INO80: variants seen among roughly 807,000 people sequenced by gnomAD.
INO80 encodes chromatin-remodeling ATPase INO80.
In INO80, 20 loss-of-function variants were observed where a neutral mutation model predicts 203.4. The ratio of observed to expected loss-of-function variants is 0.10; its 90% CI spans 0.07 to 0.14. The LOEUF is 0.14. Ranked by LOEUF, INO80 falls within the 10% of genes least tolerant of loss-of-function variation. INO80 has a pLI of 1.00. For synonymous variants in INO80, 726 were observed against 685.2 expected (o/e 1.06, Z -0.93); for missense variants, 1,419 against 1,914.4 (o/e 0.74, Z 4.83).
At chr15:41,072,844 A>G (rs984981900) in intron 11 of INO80, among the ~76,000 whole-genome samples, 2 of 151,198 alleles carry the variant, frequency 1.3e-5, no homozygotes, top group Non-Finnish European at 3.0e-5. Flanking sequence ...GCAGTGGCAC[A>G]ATCTCGGCTC....
chr15:41,027,789 CA>C, intron 24 of INO80, 53 bp from the exon 25 acceptor site: 1 of 1,346,734 alleles, frequency 7.4e-7, no homozygotes, highest in South Asian at 1.4e-5. Flanking sequence ...TTAATGTAAG[CA>C]AAATGAAAAA....
chr15:41,096,518 C>T (rs1438959232), intron 1 of INO80, among the ~76,000 whole-genome samples, 165 bp from the exon 2 acceptor site: 1 of 152,084 alleles, frequency 6.6e-6, no homozygotes, highest in African/African-American at 2.4e-5. Context: ...TTAGACACTG[C>T]CTCCTAAAGC....
At chr15:41,097,529 G>A (rs921699002) in intron 1 of INO80, among the ~76,000 whole-genome samples, 3 of 151,956 alleles carry the variant, frequency 2.0e-5, no homozygotes, top group Admixed American at 6.5e-5. Context: ...CGCTCTTGCA[G>A]TAGGGTGATC....
intron 27 of INO80, among the ~76,000 whole-genome samples, chr15:41,012,296 G>C (rs2044142974): frequency 6.6e-6 from 1 of 152,164 alleles, no homozygotes; most frequent in Non-Finnish European, 1.5e-5. Flanking sequence ...GCCAGGCGTG[G>C]TGGCTCACGC....
chr15:41,041,802 G>A (rs552926554), intron 24 of INO80, among the ~76,000 whole-genome samples: 5 of 149,922 alleles, frequency 3.3e-5, no homozygotes, highest in East Asian at 3.9e-4. Flanking sequence ...AATATCTAAC[G>A]ATCATTTTGC....
intron 1 of INO80, among the ~76,000 whole-genome samples, chr15:41,108,015 G>A (rs761416862): frequency 7.9e-5 from 12 of 151,848 alleles, no homozygotes; most frequent in Non-Finnish European, 1.6e-4. Context: ...CAGGAGAATC[G>A]CTTGAACTCG....
chr15:41,072,205 TATC>T, intron 11 of INO80, 147 bp from the exon 12 acceptor site: 1 of 558,496 alleles, frequency 1.8e-6, no homozygotes, highest in Non-Finnish European at 3.1e-6. Context: ...TATAACGTAG[TATC>T]ATATGACATC....
chr15:41,055,144 T>G, intron 18 of INO80, 103 bp downstream of exon 18: 1 of 621,780 alleles, frequency 1.6e-6, no homozygotes, highest in Non-Finnish European at 2.8e-6. Flanking sequence ...CTGATTTGTC[T>G]ATGTATACTG....
intron 28 of INO80, among the ~76,000 whole-genome samples, chr15:40,998,983 T>TACACAC (rs10650860): frequency 0.032 from 4,520 of 140,370 alleles, 111 homozygotes; most frequent in African/African-American, 0.063. Flanking sequence ...AAGATTTATC[T>TACACAC]ACACACACAC....
intron 19 of INO80, among the ~76,000 whole-genome samples, chr15:41,053,113 AT>A (rs199821383): frequency 4.0e-5 from 6 of 149,408 alleles, no homozygotes; most frequent in East Asian, 2.0e-4. Flanking sequence ...TTATTCTGAC[AT>A]TTTTTTTTTG....
chr15:41,089,582 A>G (rs1566944952), intron 5 of INO80, among the ~76,000 whole-genome samples: 1 of 152,200 alleles, frequency 6.6e-6, no homozygotes, highest in Non-Finnish European at 1.5e-5. Context: ...TATCTCTACT[A>G]AAAATACAAA....
At chr15:40,994,870 A>G (rs2043861393) in intron 29 of INO80, among the ~76,000 whole-genome samples, 1 of 152,118 alleles carries the variant, frequency 6.6e-6, no homozygotes, top group Non-Finnish European at 1.5e-5. Context: ...ACAAATGAAC[A>G]AACTGTTCCA....
Position 41,081,007 on chromosome 15 carries a change from A to G in INO80, c.927+13T>C. 6.4e-7 allele frequency: 1 copy of G among 1,563,858 alleles called. No individual in the cohort carries two copies. Reference sequence around the variant, plus strand: ...CAAAACATGAAATGGAAAATACAAAACTACAATTTTACCTTTCGGCTATTG... The same window carrying G: ...CAAAACATGAAATGGAAAATACAAAGCTACAATTTTACCTTTCGGCTATTG... On this transcript the variant is annotated intron_variant, in intron 8 of 35. Coordinates refer to ENST00000648947, the MANE Select transcript of INO80 (RefSeq NM_017553.3).
At chr15:41,042,736 A>T (rs1344380609) in intron 24 of INO80, among the ~76,000 whole-genome samples, 1 of 152,184 alleles carries the variant, frequency 6.6e-6, no homozygotes, top group Non-Finnish European at 1.5e-5. Flanking sequence ...GGACTCAAAA[A>T]GTGCTGGGAT....
At chr15:41,040,432 A>G (rs760769359) in intron 24 of INO80, among the ~76,000 whole-genome samples, 7 of 152,178 alleles carry the variant, frequency 4.6e-5, no homozygotes, top group Non-Finnish European at 8.8e-5. Context: ...ACATATATAG[A>G]CACCTGCTTG....
At chr15:41,036,994 T>C (rs1001212271) in intron 24 of INO80, among the ~76,000 whole-genome samples, 1 of 152,036 alleles carries the variant, frequency 6.6e-6, no homozygotes, top group Admixed American at 6.6e-5. Flanking sequence ...TCCCAGCTAC[T>C]TGGGAGGCTG....
Position 41,055,372 on chromosome 15 carries a change from CAA to C in INO80, c.2071-10_2071-9del, listed in dbSNP as rs1161955002. The C allele has an allele frequency of 3.8e-6, 6 of 1,574,052 alleles. No individual in the cohort carries two copies. The Admixed American group carries it at 6.8e-5, about 18-fold the overall frequency. On this transcript the variant is annotated splice_polypyrimidine_tract_variant and intron_variant, in intron 17 of 35. Coordinates refer to ENST00000648947, the MANE Select transcript of INO80 (RefSeq NM_017553.3). ...ATGCAGCAGAGCCCAAAGCTGTAAA[CAA>C]AGACAAAAATGAAATAGCTATAGAG...
chr15:40,995,647 G>A, intron 29 of INO80, among the ~76,000 whole-genome samples: 1 of 152,342 alleles, frequency 6.6e-6, no homozygotes, highest in Non-Finnish European at 1.5e-5. Flanking sequence ...GCCGGGAACT[G>A]AGAGTGGAGT....
At chr15:41,048,940 T>G (rs944875670) in intron 21 of INO80, among the ~76,000 whole-genome samples, 3 of 152,320 alleles carry the variant, frequency 2.0e-5, no homozygotes, top group South Asian at 2.1e-4. Context: ...TACAATACAA[T>G]CAGTTCACCC....
Sources: gnomAD v4.1 joint callset for allele counts (sites outside exome capture counted in the v4.1 genomes callset) on GRCh38, gnomAD v4.1.1 for gene constraint, MANE v1.5 for transcripts, NCBI Gene and HGNC (gene_info 2026-07-23, HGNC 2026-07-21) for gene names.